DLGAP2: variants seen among roughly 807,000 people sequenced by gnomAD.
DLGAP2 encodes the protein DLG associated protein 2, also known as disks large-associated protein 2.
A neutral mutation model predicts 100.3 loss-of-function variants in DLGAP2; 26 were observed. The observed-to-expected ratio is 0.26, with a 90% CI of 0.19 to 0.36. The LOEUF is 0.36. Among genes scored for constraint, DLGAP2 ranks in the 10% least tolerant of loss-of-function variants. DLGAP2 has a pLI of 1.00. For missense variants in DLGAP2, 1,858 were observed against 1,453.2 expected (o/e 1.28, Z -4.53); for synonymous variants, 886 against 630.1 (o/e 1.41, Z -6.08).
intron 2 of DLGAP2, among the ~76,000 whole-genome samples, chr8:1,188,592 C>T (rs1260897184): frequency 6.6e-6 from 1 of 152,006 alleles, no homozygotes; most frequent in African/African-American, 2.4e-5. Flanking sequence ...ATCTCACACA[C>T]CCGGGACGTC....
intron 2 of DLGAP2, among the ~76,000 whole-genome samples, chr8:1,157,434 A>G (rs1796812819): frequency 6.6e-6 from 1 of 152,062 alleles, no homozygotes; most frequent in Non-Finnish European, 1.5e-5. Flanking sequence ...TAGAAACCAA[A>G]TTTTGCAATG....
chr8:1,088,025 C>T (rs1053345126), intron 2 of DLGAP2, among the ~76,000 whole-genome samples: 3 of 152,232 alleles, frequency 2.0e-5, no homozygotes, highest in South Asian at 4.1e-4. Flanking sequence ...AGCTCTGGGT[C>T]CCTTCCCGTC....
chr8:1,122,710 C>T (rs1409286937), intron 2 of DLGAP2, among the ~76,000 whole-genome samples: 1 of 151,632 alleles, frequency 6.6e-6, no homozygotes, highest in Admixed American at 6.6e-5. Context: ...TACTCCCTTT[C>T]TTCCTCCCTC....
At chr8:1,423,547 G>A (rs529106578) in intron 3 of DLGAP2, among the ~76,000 whole-genome samples, 1 of 152,382 alleles carries the variant, frequency 6.6e-6, no homozygotes, top group African/African-American at 2.4e-5. Flanking sequence ...TACTCCTGAA[G>A]TGTTGACTGT....
chr8:1,373,134 G>A (rs1802287660), intron 3 of DLGAP2, among the ~76,000 whole-genome samples: 1 of 152,296 alleles, frequency 6.6e-6, no homozygotes, highest in Middle Eastern at 3.4e-3. Flanking sequence ...CATGTGGGGC[G>A]GGGGCGTCTT....
In DLGAP2 at chr8:1,638,539, C is replaced by T. The variant is rs528946830; in HGVS notation, c.1810+5493C>T. On this transcript the variant is annotated intron_variant, in intron 8 of 14. Coordinates refer to ENST00000637795, the MANE Select transcript of DLGAP2 (RefSeq NM_001346810.2). ...TTATAATGAAGACCCGCGGCCCGGC[C>T]GTACTGCAGAAGAGCACGGAGAAGA... Among the ~76,000 whole-genome samples the T allele has an allele frequency of 1.8e-3, 278 of 152,240 alleles. 1 individual carries two copies. The highest frequency in any genetic ancestry group is 3.0e-3 in the Admixed American group (46 of 15,282).
chr8:1,313,453 C>G (rs867990618), intron 3 of DLGAP2, among the ~76,000 whole-genome samples: 37 of 152,164 alleles, frequency 2.4e-4, no homozygotes, highest in East Asian at 5.8e-4. Flanking sequence ...ATAATCTCCC[C>G]TATACTCCCC....
chr8:1,367,848 A>G (rs1038989452), intron 3 of DLGAP2, among the ~76,000 whole-genome samples: 1 of 152,218 alleles, frequency 6.6e-6, no homozygotes, highest in South Asian at 2.1e-4. Context: ...GCCTTTATCT[A>G]GACATAAATC....
chr8:951,882 G>A (rs1200811940), intron 2 of DLGAP2, among the ~76,000 whole-genome samples: 2 of 152,184 alleles, frequency 1.3e-5, no homozygotes, highest in South Asian at 2.1e-4. Flanking sequence ...ATCATTTCAA[G>A]GCCCTGGTAG....
intron 2 of DLGAP2, among the ~76,000 whole-genome samples, chr8:1,146,383 G>A (rs571607568): frequency 3.9e-5 from 6 of 152,244 alleles, no homozygotes; most frequent in South Asian, 2.1e-4. Context: ...TTTTTCTAAC[G>A]CCTCTTGCTC....
intron 3 of DLGAP2, among the ~76,000 whole-genome samples, chr8:1,316,548 G>C (rs1184111041): frequency 6.2e-3 from 276 of 44,814 alleles, no homozygotes; most frequent in Middle Eastern, 0.037. Context: ...AAAAATAGAG[G>C]CTGTGCGAGT....
intron 2 of DLGAP2, among the ~76,000 whole-genome samples, chr8:964,005 A>G (rs932826513): frequency 3.9e-5 from 6 of 152,212 alleles, no homozygotes; most frequent in Non-Finnish European, 5.9e-5. Context: ...GTATATTTTT[A>G]TAATCTCAAA....
intron 4 of DLGAP2, among the ~76,000 whole-genome samples, chr8:1,502,864 C>G (rs1366040787): frequency 4.6e-5 from 7 of 152,146 alleles, no homozygotes; most frequent in Non-Finnish European, 8.8e-5. Context: ...GCCCCAGGGG[C>G]CTTCTCTGGG....
At chr8:1,518,397 G>T (rs1286308532) in intron 4 of DLGAP2, among the ~76,000 whole-genome samples, 1 of 152,154 alleles carries the variant, frequency 6.6e-6, no homozygotes, top group African/African-American at 2.4e-5. Context: ...GTTTAAGATG[G>T]ACTTTTAAAT....
chr8:830,466 C>G (rs1796760696), intron 1 of DLGAP2, among the ~76,000 whole-genome samples: 1 of 152,226 alleles, frequency 6.6e-6, no homozygotes, highest in South Asian at 2.1e-4. Context: ...CCCTTCCCAG[C>G]CACTGGAGCC....
chr8:739,510 G>A (rs988157396), intron 1 of DLGAP2: 2 of 152,252 alleles, frequency 1.3e-5, no homozygotes, highest in African/African-American at 4.8e-5. Context: ...TTTGGCCTGA[G>A]GTGAACGCAC....
rs530940590 is a variant in DLGAP2, at chr8:810,087, C to T, written c.18+72262C>T. The stretch of plus-strand genomic sequence containing the variant: ...GGTGTGAGCTTGCTCTGTGTCCATC[C>T]CTTTCTAACTACTGTTCATGACTTG... On this transcript the variant is annotated intron_variant, in intron 1 of 14. Transcript: ENST00000637795. Among the ~76,000 whole-genome samples the T allele has an allele frequency of 4.6e-5, 7 of 152,324 alleles. No homozygotes were observed. The South Asian group carries it at 1.4e-3, about 32-fold the overall frequency.
At chr8:1,597,184 G>T (rs1215204944) in intron 6 of DLGAP2, among the ~76,000 whole-genome samples, 2 of 152,118 alleles carry the variant, frequency 1.3e-5, no homozygotes, top group African/African-American at 4.8e-5. Context: ...TAGATGTGTG[G>T]TGTTATTTCT....
intron 3 of DLGAP2, among the ~76,000 whole-genome samples, chr8:1,427,541 C>T (rs1234667300): frequency 2.0e-5 from 3 of 152,270 alleles, no homozygotes; most frequent in African/African-American, 7.2e-5. Flanking sequence ...TGTCCCTACC[C>T]AAATCTCATC....
Sources: gnomAD v4.1 joint callset for allele counts (sites outside exome capture counted in the v4.1 genomes callset) on GRCh38, gnomAD v4.1.1 for gene constraint, MANE v1.5 for transcripts, NCBI Gene and HGNC (gene_info 2026-07-23, HGNC 2026-07-21) for gene names.